MUC5AC: variants seen among roughly 807,000 people sequenced by gnomAD.
MUC5AC encodes mucin-5AC.
A neutral mutation model predicts 169.7 loss-of-function variants in MUC5AC; 158 were observed. The ratio of observed to expected loss-of-function variants is 0.93; its 90% CI spans 0.82 to 1.06. MUC5AC has a LOEUF of 1.06. Ranked by LOEUF, MUC5AC falls within the 50% of genes least tolerant of loss-of-function variation. The pLI is 0.00. For missense variants in MUC5AC, 4,359 were observed against 3,089.9 expected, an observed-to-expected ratio of 1.41 and a Z score of -9.74; for synonymous variants, 1,975 against 1,237.0, an observed-to-expected ratio of 1.60 and a Z score of -12.52.
Position 1,165,666 on chromosome 11 carries a change from C to G in MUC5AC, c.1292C>G (p.Pro431Arg). 7 of 1,612,438 alleles carry G rather than the reference C, an allele frequency of 4.3e-6. No individual in the cohort carries two copies. Among genetic ancestry groups the G allele is most frequent in the Non-Finnish European group, 5.9e-6 (7 of 1,179,758 alleles). ...TGGAGCTGCCAGGAGGTTCCATGCC[C>G]GGGTACCTGCTCTGTGCTTGGAGGT... Reference protein sequence around the residue: ...GRWSCQEVPCPGTCSVLGGAH... With the variant: ...GRWSCQEVPCRGTCSVLGGAH... The change falls in exon 11 of 49, where the codon CCG (proline) becomes CGG (arginine). Residue 431 changes from proline to arginine, a missense_variant. Pro to Arg is a moderately radical substitution (Grantham distance 103). Coordinates refer to ENST00000621226, the MANE Select transcript of MUC5AC (RefSeq NM_001304359.2).
At chr11:1,177,901 C>T (rs1458703277) in intron 24 of MUC5AC, among the ~76,000 whole-genome samples, 1 of 148,042 alleles carries the variant, frequency 6.8e-6, no homozygotes, top group South Asian at 2.2e-4. Flanking sequence ...AGCAGGGCAT[C>T]CACAGGGCCG....
At chr11:1,168,081 G>C in intron 12 of MUC5AC, 94 bp downstream of exon 12, 5 of 1,092,516 alleles carry the variant, frequency 4.6e-6, no homozygotes, top group Non-Finnish European at 6.8e-6. Flanking sequence ...TCCCTGGCAT[G>C]AACAGCGAGA....
rs1860885293 is a variant in MUC5AC, at chr11:1,184,547, A to G, written c.6402A>G (p.Gly2134=). Residue 2134 remains glycine, a synonymous_variant, in exon 31 of 49, where the codon GGA becomes GGG. Transcript: ENST00000621226. ...TCGACGTGGACTTCCCGTCCCCCGG[A>G]CCCCATGGTGGAGACAAGGAAACCT... is the stretch of plus-strand genomic sequence containing the variant. ...TWFDVDFPSP[G]PHGGDKETYN... 16 of 645,528 alleles carry G rather than the reference A, an allele frequency of 2.5e-5. No homozygotes were observed. The highest frequency in any genetic ancestry group is 8.4e-6 in the Non-Finnish European group (3 of 357,094). 40.0% of individuals were successfully genotyped at this position (645,528 alleles called of 1,614,324 possible).
In MUC5AC at chr11:1,157,962, T is replaced by C; in HGVS notation, c.-38T>C. 1.3e-6 allele frequency: 2 copies of C among 1,560,926 alleles called. No homozygotes were observed. Among genetic ancestry groups the C allele is most frequent in the Non-Finnish European group, 1.7e-6 (2 of 1,152,984 alleles). ...CCACCTTGGGTCCCTCCTCAGAGGCTGCTGAGGGACAGGGCACTCTTCCCC... is the reference window on the plus strand; with the variant it reads ...CCACCTTGGGTCCCTCCTCAGAGGCCGCTGAGGGACAGGGCACTCTTCCCC... On this transcript the variant is annotated 5_prime_UTR_variant, in exon 1 of 49. Coordinates refer to ENST00000621226, the MANE Select transcript of MUC5AC (RefSeq NM_001304359.2).
rs1590135424 is a variant in MUC5AC, at chr11:1,165,604, A to T, written c.1248-18A>T. The T allele has an allele frequency of 1.9e-6, 3 of 1,611,124 alleles. No homozygotes were observed. Among genetic ancestry groups the T allele is most frequent in the Non-Finnish European group, 2.5e-6 (3 of 1,179,590 alleles). ...CTCCTGGGGCCGGCACCCACGTGGC[A>T]CCATCTCTTGCTCTCAGCACCTGCT... On this transcript the variant is annotated intron_variant, in intron 10 of 48. Transcript: ENST00000621226.
chr11:1,164,120 G>A lies in MUC5AC; in HGVS notation c.804G>A (p.Glu268=). The A allele has an allele frequency of 6.2e-7, 1 of 1,612,108 alleles. No individual in the cohort carries two copies. The highest frequency in any genetic ancestry group is 8.5e-7 in the Non-Finnish European group (1 of 1,179,850). ...NCSTGFGICE[E]LLHGQLFSGC... is the part of the protein sequence containing the mutation. ...CTTTGTCCTAGGGCATCTGTGAGGA[G>A]CTCCTGCACGGCCAGCTGTTCTCTG... The change falls in exon 8 of 49, where the codon GAG becomes GAA. Residue 268 remains glutamate (E), a synonymous_variant. Coordinates refer to ENST00000621226, the MANE Select transcript of MUC5AC (RefSeq NM_001304359.2).
chr11:1,158,445 G>A (rs1860028075), intron 1 of MUC5AC, among the ~76,000 whole-genome samples: 1 of 152,208 alleles, frequency 6.6e-6, no homozygotes, highest in Admixed American at 6.5e-5. Context: ...ATTAGCCCCA[G>A]GCACCTGCCC....
chr11:1,169,279 G>A lies in MUC5AC; in HGVS notation c.1870+253G>A, dbSNP rs138630819. 16 of 655,108 alleles carry A rather than the reference G, an allele frequency of 2.4e-5. No homozygotes were observed. In the African/African-American group the frequency reaches 2.6e-4, roughly 11 times the overall value. The allele number at this position is 655,108 out of a possible 1,614,324, so 40.6% of individuals were successfully genotyped here. A position where few individuals can be genotyped will look rare whatever the true frequency, so the allele number is the denominator to read the frequency against. On this transcript the variant is annotated intron_variant, in intron 15 of 48. Transcript: ENST00000621226. ...CTGTTGGTCAACATCCGCCCTGACCGCCTACCCCTGCACAGGGTGGAGTGG... is the reference window on the plus strand; with the variant it reads ...CTGTTGGTCAACATCCGCCCTGACCACCTACCCCTGCACAGGGTGGAGTGG...
At chr11:1,195,822 G>C in intron 36 of MUC5AC, 54 bp from the exon 37 acceptor site, 1 of 742,358 alleles carries the variant, frequency 1.3e-6, no homozygotes, top group Admixed American at 1.7e-5. Context: ...CTGACGTGGA[G>C]CAGGCAGGTG....
chr11:1,177,313 C>G lies in MUC5AC; in HGVS notation c.2876C>G (p.Thr959Ser), dbSNP rs1300451469. The G allele has an allele frequency of 4.4e-6, 2 of 457,668 alleles. No individual in the cohort carries two copies. 28.4% of individuals were successfully genotyped at this position (457,668 alleles called of 1,614,324 possible). Reference sequence around the variant, plus strand: ...GTCCCCTGCGGCACCACAGGGACCACCTGCTCCAAGGCCATCAAGATTTTC... The same window carrying G: ...GTCCCCTGCGGCACCACAGGGACCAGCTGCTCCAAGGCCATCAAGATTTTC... Reference protein sequence around the residue: ...ENVPCGTTGTTCSKAIKIFLG... With the variant: ...ENVPCGTTGTSCSKAIKIFLG... The change falls in exon 23 of 49, where the codon ACC becomes AGC. Residue 959 changes from threonine (T) to serine (S), a missense_variant. Thr to Ser is a moderately conservative substitution (Grantham distance 58). Transcript: ENST00000621226.
In MUC5AC at chr11:1,164,834, C is replaced by T. The variant is rs572699916; in HGVS notation, c.1129+302C>T. ...GCTGGCTGAGGCCCCTGTCCTGGGC[C>T]CCTGAGGCTGGCTGAGGATCCTGTC... On this transcript the variant is annotated intron_variant, in intron 9 of 48. Coordinates refer to ENST00000621226, the MANE Select transcript of MUC5AC (RefSeq NM_001304359.2). 4.8e-5 allele frequency among the ~76,000 whole-genome samples: 7 copies of T among 144,596 alleles called. No individual in the cohort carries two copies. In the South Asian group the frequency reaches 1.3e-3, roughly 27 times the overall value. The allele number at this position is 144,596 out of a possible 152,430, so 94.9% of individuals were successfully genotyped here. A position where few individuals can be genotyped will look rare whatever the true frequency, so the allele number is the denominator to read the frequency against.
At position 1,189,492 on chromosome 11, in the gene MUC5AC, A is replaced by C. The variant is rs1861033031; in HGVS notation, c.11347A>C (p.Thr3783Pro). 3.4e-6 allele frequency: 2 copies of C among 585,396 alleles called. No individual in the cohort carries two copies. The highest frequency in any genetic ancestry group is 2.8e-5 in the East Asian group (1 of 36,290). The allele number at this position is 585,396 out of a possible 1,614,324, so 36.3% of individuals were successfully genotyped here. A position where few individuals can be genotyped will look rare whatever the true frequency, so the allele number is the denominator to read the frequency against. ...CACAACCTCTGCCCCTACAACTAGC[A>C]CTACCTCTGCTCCCATAACCAGCAC... ...TNTTSAPTTS[T>P]TSAPITSTIS... Residue 3783 changes from threonine (T) to proline (P), a missense_variant, in exon 31 of 49, where the codon ACT becomes CCT. Transcript: ENST00000621226.
intron 11 of MUC5AC, among the ~76,000 whole-genome samples, chr11:1,166,253 G>A (rs1463327782): frequency 7.0e-6 from 1 of 142,532 alleles, no homozygotes; most frequent in Non-Finnish European, 1.5e-5. Flanking sequence ...TCCCTATGGT[G>A]AGACCCTGCA....
chr11:1,165,752 C>A lies in MUC5AC; in HGVS notation c.1378C>A (p.Leu460Met). 6.2e-7 allele frequency: 1 copy of A among 1,612,112 alleles called. No individual in the cohort carries two copies. The highest frequency in any genetic ancestry group is 8.5e-7 in the Non-Finnish European group (1 of 1,179,690). ...YTVHGDCSYV[L>M]TKPCDSSAFT... Reference sequence around the variant, plus strand: ...GGTGCACGGCGACTGCAGCTATGTGCTGACCAAGGTACGGCCTGGCTGCCT... The same window carrying A: ...GGTGCACGGCGACTGCAGCTATGTGATGACCAAGGTACGGCCTGGCTGCCT... The change falls in exon 11 of 49, where the codon CTG (leucine) becomes ATG (methionine). Residue 460 changes from leucine to methionine, a missense_variant. Leu to Met is a conservative substitution (Grantham distance 15, BLOSUM62 2). Transcript: ENST00000621226.
At position 1,174,631 on chromosome 11, in the gene MUC5AC, C is replaced by A; in HGVS notation, c.2092+9C>A. The A allele has an allele frequency of 1.9e-6, 2 of 1,054,408 alleles. No homozygotes were observed. The highest frequency in any genetic ancestry group is 1.4e-5 in the South Asian group (1 of 69,512). 65.3% of individuals were successfully genotyped at this position (1,054,408 alleles called of 1,614,324 possible). On this transcript the variant is annotated intron_variant, in intron 17 of 48. Transcript: ENST00000621226. ...GAGGGACGGCGTCTGCAGTGAGTGC[C>A]TGCCAAGCCCAGCCCCTTTCCCTCG...
rs762512882 is a variant in MUC5AC at position 1,196,040 on chromosome 11, C to G, written c.15623C>G (p.Thr5208Ser). Residue 5208 changes from threonine (T) to serine (S), a missense_variant, in exon 37 of 49, where the codon ACC (threonine) becomes AGC (serine). Coordinates refer to ENST00000621226, the MANE Select transcript of MUC5AC (RefSeq NM_001304359.2). ...ATCTGCATCGATTGGAGAGGCCGGA[C>G]CGGCCACATGTGCCGTGAGTGCCAC... ...HDICIDWRGRTGHMCPFTCPA... is the reference protein window; with the variant it reads ...HDICIDWRGRSGHMCPFTCPA... The G allele has an allele frequency of 3.9e-6, 3 of 764,558 alleles. No homozygotes were observed. The South Asian group carries it at 4.0e-5, about 10-fold the overall frequency. 47.4% of individuals were successfully genotyped at this position (764,558 alleles called of 1,614,324 possible).
At chr11:1,176,787 T>A (rs1452707115) in intron 21 of MUC5AC, 122 bp downstream of exon 21, 3 of 398,358 alleles carry the variant, frequency 7.5e-6, no homozygotes, top group Non-Finnish European at 1.3e-5. Context: ...GACTCAGGGC[T>A]GGACGCCACC....
At chr11:1,194,389 G>T (rs747798844) in intron 34 of MUC5AC, 29 bp downstream of exon 34, 15 of 711,196 alleles carry the variant, frequency 2.1e-5, no homozygotes, top group East Asian at 5.3e-5. Context: ...TGCCGCGGAG[G>T]GGGTGGGGGA....
chr11:1,170,453 C>T (rs1367473876), intron 15 of MUC5AC, among the ~76,000 whole-genome samples: 5 of 131,124 alleles, frequency 3.8e-5, no homozygotes, highest in East Asian at 2.6e-4. Flanking sequence ...ACTCACTCAC[C>T]CACTCACCGA....
Sources: gnomAD v4.1 joint callset for allele counts (sites outside exome capture counted in the v4.1 genomes callset) on GRCh38, gnomAD v4.1.1 for gene constraint, MANE v1.5 for transcripts, NCBI Gene and HGNC (gene_info 2026-07-23, HGNC 2026-07-21) for gene names.